LRCH2: variants seen among roughly 807,000 people sequenced by gnomAD.
LRCH2 encodes the protein leucine-rich repeat and calponin homology domain-containing protein 2.
LRCH2 carries 38 observed loss-of-function variants against 68.9 expected under a neutral mutation model. The observed-to-expected ratio is 0.55, with a 90% confidence interval of 0.43 to 0.72. The LOEUF is 0.72. LRCH2 is among the 30% of genes least tolerant of loss of function. The probability of loss-of-function intolerance (pLI) is 0.00; values close to 1 mark genes in which losing one functional copy is unlikely to be tolerated. For missense variants in LRCH2, 528 were observed against 572.9 expected (o/e 0.92, Z 0.80); for synonymous variants, 191 against 208.1 (o/e 0.92, Z 0.71).
At chrX:115,117,652 G>T (rs983692988) in intron 20 of LRCH2, among the ~76,000 whole-genome samples, 1 of 111,236 alleles carries the variant, frequency 9.0e-6, no homozygotes, top group Non-Finnish European at 1.9e-5. Context: ...CAACACTGAC[G>T]AGTCATAAAA....
In LRCH2 at chrX:115,111,454, T is replaced by A. The variant is rs1419460025; in HGVS notation, c.*1762A>T. On this transcript the variant is annotated 3_prime_UTR_variant, in exon 21 of 21. Transcript: ENST00000317135. ...AATGGTCACTTAATTTGTAATGCTG[T>A]CAAATTTCTACATAAAAAGTCATTA... 9 of 110,461 alleles carry A rather than the reference T, an allele frequency of 8.1e-5. No homozygotes were observed. The highest frequency in any genetic ancestry group is 3.0e-4 in the African/African-American group (9 of 30,466). 9.1% of individuals were successfully genotyped at this position (110,461 alleles called of 1,213,427 possible).
At chrX:115,160,287 G>A (rs782391348) in intron 11 of LRCH2, among the ~76,000 whole-genome samples, 200 of 111,078 alleles carry the variant, frequency 1.8e-3, no homozygotes, top group Middle Eastern at 4.7e-3. Context: ...CTGCACTCCA[G>A]CCTGGGCAAC....
At position 115,131,176 on chromosome X, in the gene LRCH2, A is replaced by T. The variant is rs185605705; in HGVS notation, c.1696-977T>A. Among the ~76,000 whole-genome samples, 27 of 110,427 alleles carry T rather than the reference A, an allele frequency of 2.4e-4. No homozygotes were observed. In the Admixed American group the frequency reaches 2.5e-3, roughly 10 times the overall value. ...TGTACAACGTGCAGGTTACATATGT[A>T]TACATGTGCCATGTTGGTGTGCTGC... On this transcript the variant is annotated intron_variant, in intron 14 of 20. Coordinates refer to ENST00000317135, the MANE Select transcript of LRCH2 (RefSeq NM_020871.4).
chrX:115,123,898 A>G (rs1556526781), intron 17 of LRCH2, 47 bp downstream of exon 17: 1 of 804,985 alleles, frequency 1.2e-6, no homozygotes. Flanking sequence ...CTGGGAAACT[A>G]GTTTCATATA....
chrX:115,145,662 C>T (rs6643943), intron 14 of LRCH2, among the ~76,000 whole-genome samples: 8,534 of 111,362 alleles, frequency 0.077, 307 homozygotes, highest in Non-Finnish European at 0.11. Context: ...AGAAGACATA[C>T]AGATGGCAAA....
intron 14 of LRCH2, among the ~76,000 whole-genome samples, chrX:115,131,300 C>T (rs1329475688): frequency 9.5e-6 from 1 of 105,370 alleles, no homozygotes; most frequent in African/African-American, 3.5e-5. Context: ...GTTCCCCACC[C>T]TGTGTCCAAG....
chrX:115,189,947 G>T, intron 1 of LRCH2: 1 of 1,160,595 alleles, frequency 8.6e-7, no homozygotes. Context: ...ACGCCGTCGA[G>T]CCTGGCTCAC....
chrX:115,192,024 C>T (rs782703887), intron 1 of LRCH2: 42 of 1,166,187 alleles, frequency 3.6e-5, no homozygotes, highest in Admixed American at 2.8e-4. Flanking sequence ...GAGGCCACTA[C>T]GAAGAGTACC....
intron 12 of LRCH2, among the ~76,000 whole-genome samples, chrX:115,153,416 T>C (rs1466425809): frequency 9.0e-6 from 1 of 111,311 alleles, no homozygotes; most frequent in African/African-American, 3.3e-5. Flanking sequence ...TTAAAATCTC[T>C]CTTTTAGGCA....
intron 1 of LRCH2, among the ~76,000 whole-genome samples, chrX:115,206,957 A>G (rs911594354): frequency 9.0e-6 from 1 of 111,169 alleles, no homozygotes; most frequent in African/African-American, 3.3e-5. Context: ...TTCTTGAACT[A>G]TCTCACACTA....
intron 1 of LRCH2, among the ~76,000 whole-genome samples, chrX:115,227,711 C>G (rs1173153813): frequency 9.4e-6 from 1 of 106,280 alleles, no homozygotes; most frequent in Non-Finnish European, 1.9e-5. Flanking sequence ...GGAACATAAT[C>G]ATTAACAAAA....
At chrX:115,192,288 C>T (rs970062912) in intron 1 of LRCH2, 7 of 1,164,194 alleles carry the variant, frequency 6.0e-6, no homozygotes, top group Middle Eastern at 2.3e-4. Context: ...GAGGCCGCTA[C>T]GAGGAGTACC....
chrX:115,234,075 T>C lies in LRCH2; in HGVS notation c.-34A>G, dbSNP rs1556579578. The C allele has an allele frequency of 3.5e-6, 4 of 1,151,282 alleles. No individual in the cohort carries two copies. Among genetic ancestry groups the C allele is most frequent in the East Asian group, 3.3e-5 (1 of 30,406 alleles). The allele number at this position is 1,151,282 out of a possible 1,213,427, so 94.9% of individuals were successfully genotyped here. ...GAGAGAGAATAGCCCCCGACAATAC[T>C]GTCAGCCTGTGCCGCGAGTGTAAGG... On this transcript the variant is annotated 5_prime_UTR_variant, in exon 1 of 21. Transcript: ENST00000317135.
At chrX:115,221,188 AAAAAAAAAAAAAAAAAAAAAAAATAT>A (rs2073077594) in intron 1 of LRCH2, among the ~76,000 whole-genome samples, 1 of 68,302 alleles carries the variant, frequency 1.5e-5, no homozygotes, top group South Asian at 8.4e-4. Flanking sequence ...ACAAAAAAAA[AAAAAAAAAAAAAAAAAAAAAAAATAT>A]ATATATATAT....
chrX:115,166,264 G>T lies in LRCH2; in HGVS notation c.1077C>A (p.Ser359=), dbSNP rs1430672926. ...IGSDNGEKRL[S]TTEPSDDDTV... The stretch of plus-strand genomic sequence containing the variant: ...AATAGAAAATACTCACTTCTGTTGT[G>T]GATAATCGTTTCTCTCCATTATCAC... Residue 359 remains serine (S), a synonymous_variant, in exon 7 of 21, where the codon TCC becomes TCA. Transcript: ENST00000317135. 19 of 1,180,234 alleles carry T rather than the reference G, an allele frequency of 1.6e-5. No individual in the cohort carries two copies. The highest frequency in any genetic ancestry group is 1.1e-4 in the Admixed American group (5 of 44,633).
intron 1 of LRCH2, among the ~76,000 whole-genome samples, chrX:115,218,247 T>A (rs1445893446): frequency 8.9e-6 from 1 of 112,530 alleles, no homozygotes; most frequent in Non-Finnish European, 1.9e-5. Context: ...ATTATTCTGA[T>A]TAATGAAGTA....
At chrX:115,192,281 G>C in intron 1 of LRCH2, 1 of 1,166,122 alleles carries the variant, frequency 8.6e-7, no homozygotes, top group South Asian at 1.9e-5. Context: ...GGAGGAGGAG[G>C]CCGCTACGAG....
chrX:115,224,751 A>G (rs782276948), intron 1 of LRCH2, among the ~76,000 whole-genome samples: 274 of 110,978 alleles, frequency 2.5e-3, no homozygotes, highest in African/African-American at 8.2e-3. Context: ...CTTGGTCCCT[A>G]AAGTTTCACA....
intron 12 of LRCH2, 74 bp downstream of exon 12, chrX:115,156,528 T>C: frequency 1.6e-6 from 1 of 629,898 alleles, no homozygotes; most frequent in Admixed American, 4.0e-5. Flanking sequence ...AAAGCCTATA[T>C]ACAAAAACAT....
Sources: gnomAD v4.1 joint callset for allele counts (sites outside exome capture counted in the v4.1 genomes callset) on GRCh38, gnomAD v4.1.1 for gene constraint, MANE v1.5 for transcripts, NCBI Gene and HGNC (gene_info 2026-07-23, HGNC 2026-07-21) for gene names.